Variants in YTHDC2 observed in about 807,000 individuals in gnomAD.
YTHDC2 encodes the protein 3'-5' RNA helicase YTHDC2.
In YTHDC2, 45 loss-of-function variants were observed where a neutral mutation model predicts 174.9. The observed-to-expected ratio is 0.26, with a 90% CI of 0.20 to 0.33. The LOEUF is 0.33. Among genes scored for constraint, YTHDC2 ranks in the 10% least tolerant of loss-of-function variants. YTHDC2 has a pLI of 1.00. For missense variants in YTHDC2, 1,650 were observed against 1,723.7 expected, an observed-to-expected ratio of 0.96 and a Z score of 0.76; for synonymous variants, 657 against 574.5, an observed-to-expected ratio of 1.14 and a Z score of -2.05.
At chr5:113,520,922 C>T (rs1027190660) in intron 2 of YTHDC2, among the ~76,000 whole-genome samples, 6 of 152,136 alleles carry the variant, frequency 3.9e-5, no homozygotes, top group African/African-American at 1.4e-4. Flanking sequence ...CCATCCTTTA[C>T]CCTCTGATAG....
chr5:113,561,473 A>ATATATATATTT (rs56886888), intron 18 of YTHDC2, among the ~76,000 whole-genome samples: 3 of 138,482 alleles, frequency 2.2e-5, no homozygotes, highest in African/African-American at 8.1e-5. Context: ...ATCTATCTAT[A>ATATATATATTT]TTTTTTTTTT....
chr5:113,556,676 A>G (rs1304120112), intron 17 of YTHDC2, among the ~76,000 whole-genome samples: 3 of 152,200 alleles, frequency 2.0e-5, no homozygotes, highest in African/African-American at 4.8e-5. Flanking sequence ...ACATGGGCCA[A>G]TAGTCTTTCA....
At chr5:113,559,184 TA>T (rs1444596964) in intron 17 of YTHDC2, among the ~76,000 whole-genome samples, 5 of 152,072 alleles carry the variant, frequency 3.3e-5, no homozygotes, top group African/African-American at 1.2e-4. Flanking sequence ...AGGGTGGGTA[TA>T]GTGTAGGGAA....
intron 12 of YTHDC2, 45 bp from the exon 13 acceptor site, chr5:113,553,127 ATTACTTTTG>A: frequency 7.0e-7 from 1 of 1,421,558 alleles, no homozygotes; most frequent in East Asian, 2.6e-5. Flanking sequence ...GGACATAAGG[ATTACTTTTG>A]TTAATGGAAA....
intron 4 of YTHDC2, among the ~76,000 whole-genome samples, chr5:113,527,950 C>G (rs1774386964): frequency 6.6e-6 from 1 of 152,162 alleles, no homozygotes; most frequent in African/African-American, 2.4e-5. Flanking sequence ...GCCACCACGC[C>G]TGACCCAGCA....
At chr5:113,542,275 G>A (rs1334864542) in intron 9 of YTHDC2, 93 bp from the exon 10 acceptor site, 3 of 1,277,666 alleles carry the variant, frequency 2.3e-6, no homozygotes, top group Non-Finnish European at 3.3e-6. Context: ...CATAGGATTA[G>A]TAGTCCTGAT....
chr5:113,545,537 C>T (rs1230040305), intron 10 of YTHDC2, among the ~76,000 whole-genome samples: 3 of 151,832 alleles, frequency 2.0e-5, no homozygotes, highest in African/African-American at 7.3e-5. Context: ...TTCTAATATG[C>T]CCCAGACTGA....
chr5:113,592,744 G>A (rs1005042646), intron 28 of YTHDC2: 7 of 152,330 alleles, frequency 4.6e-5, no homozygotes, highest in Non-Finnish European at 1.0e-4. Context: ...CTTATCATAG[G>A]TTATCATTCC....
At chr5:113,527,812 C>T (rs1027983896) in intron 4 of YTHDC2, among the ~76,000 whole-genome samples, 2 of 151,704 alleles carry the variant, frequency 1.3e-5, no homozygotes, top group African/African-American at 4.8e-5. Flanking sequence ...TTTTTGAGAC[C>T]AAGTCTCTGT....
chr5:113,551,275 C>T (rs949138892), intron 12 of YTHDC2, among the ~76,000 whole-genome samples: 6 of 151,926 alleles, frequency 3.9e-5, no homozygotes, highest in Admixed American at 6.6e-5. Context: ...TTAAGTAAAG[C>T]TCACTAGATA....
At chr5:113,533,087 A>C in intron 5 of YTHDC2, 42 bp downstream of exon 5, 1 of 1,601,626 alleles carries the variant, frequency 6.2e-7, no homozygotes, top group Non-Finnish European at 8.5e-7. Context: ...ATCATGCTTA[A>C]AAAAGACTAT....
rs1465813422 is a variant in YTHDC2, at chr5:113,593,329, G to A, written c.4239G>A (p.Gln1413=). Residue 1413 remains glutamine (Q), a synonymous_variant, in exon 29 of 30, where the codon CAG becomes CAA. Transcript: ENST00000161863. ...AACTAGAACCTCTGGTTGGTGAACAGTTGCTCCAGTTATGGGAACGTCTTC... is the reference window on the plus strand; with the variant it reads ...AACTAGAACCTCTGGTTGGTGAACAATTGCTCCAGTTATGGGAACGTCTTC... ...GQELEPLVGE[Q]LLQLWERLPL... The A allele has an allele frequency of 1.2e-6, 2 of 1,612,748 alleles. No homozygotes were observed. Among genetic ancestry groups the A allele is most frequent in the Non-Finnish European group, 1.7e-6 (2 of 1,179,116 alleles).
intron 2 of YTHDC2, among the ~76,000 whole-genome samples, chr5:113,521,818 C>A (rs1453254928): frequency 2.1e-5 from 1 of 47,926 alleles, no homozygotes; most frequent in African/African-American, 1.0e-4. Flanking sequence ...AAGACTCTGT[C>A]TCAAAAAAAA....
Position 113,549,694 on chromosome 5 carries a change from C to G in YTHDC2, c.1688+674C>G, listed in dbSNP as rs180768096. 4.6e-5 allele frequency among the ~76,000 whole-genome samples: 7 copies of G among 152,198 alleles called. No homozygotes were observed. The East Asian group carries it at 5.8e-4, about 13-fold the overall frequency. Reference sequence around the variant, plus strand: ...GTATCTGATATTACAATCTACCCCCCACGCAATGTCCATCCTCTTTAACCT... The same window carrying G: ...GTATCTGATATTACAATCTACCCCCGACGCAATGTCCATCCTCTTTAACCT... On this transcript the variant is annotated intron_variant, in intron 12 of 29. Coordinates refer to ENST00000161863, the MANE Select transcript of YTHDC2 (RefSeq NM_022828.5).
chr5:113,528,275 C>T (rs1313737243), intron 4 of YTHDC2, among the ~76,000 whole-genome samples: 1 of 151,890 alleles, frequency 6.6e-6, no homozygotes, highest in East Asian at 1.9e-4. Context: ...AAATATTATA[C>T]TCTTTGCTTT....
Position 113,563,501 on chromosome 5 carries a change from C to A in YTHDC2, c.2442+9C>A. On this transcript the variant is annotated intron_variant, in intron 19 of 29. Coordinates refer to ENST00000161863, the MANE Select transcript of YTHDC2 (RefSeq NM_022828.5). Reference sequence around the variant, plus strand: ...CTGTACAAATGCTTAAGGTTGGTGTCTTCATAGTTTTATTTTACATGACAT... The same window carrying A: ...CTGTACAAATGCTTAAGGTTGGTGTATTCATAGTTTTATTTTACATGACAT... 1 of 1,574,728 alleles carries A rather than the reference C, an allele frequency of 6.4e-7. No homozygotes were observed. Among genetic ancestry groups the A allele is most frequent in the Non-Finnish European group, 8.6e-7 (1 of 1,164,484 alleles).
intron 2 of YTHDC2, among the ~76,000 whole-genome samples, chr5:113,521,004 G>A (rs531955214): frequency 7.9e-5 from 12 of 152,200 alleles, no homozygotes; most frequent in Non-Finnish European, 1.8e-4. Flanking sequence ...ACAAATGTGA[G>A]CATGCAGTAT....
chr5:113,579,556 T>G, intron 23 of YTHDC2, 30 bp from the exon 24 acceptor site: 1 of 1,521,182 alleles, frequency 6.6e-7, no homozygotes, highest in Non-Finnish European at 8.9e-7. Context: ...AAGGTAAAAG[T>G]GATTTTTTTT....
intron 24 of YTHDC2, among the ~76,000 whole-genome samples, chr5:113,580,752 T>C (rs1778352384): frequency 6.6e-6 from 1 of 152,170 alleles, no homozygotes; most frequent in Non-Finnish European, 1.5e-5. Context: ...ATCCTCCTTT[T>C]TGTACTCCTG....
Sources: gnomAD v4.1 joint callset for allele counts (sites outside exome capture counted in the v4.1 genomes callset) on GRCh38, gnomAD v4.1.1 for gene constraint, MANE v1.5 for transcripts, NCBI Gene and HGNC (gene_info 2026-07-23, HGNC 2026-07-21) for gene names.